ARL15: variants seen among roughly 807,000 people sequenced by gnomAD.
ARL15 encodes ARF like GTPase 15.
Under a neutral mutation model 25.2 loss-of-function variants are expected in ARL15, and 19 were observed. The ratio of observed to expected loss-of-function variants is 0.75; its 90% CI spans 0.53 to 1.10. ARL15 has a LOEUF of 1.10. Among genes scored for constraint, ARL15 ranks in the 50% least tolerant of loss-of-function variants. The probability of loss-of-function intolerance (pLI) is 0.00; values close to 1 mark genes in which losing one functional copy is unlikely to be tolerated. For missense variants in ARL15, 220 were observed against 246.0 expected, an observed-to-expected ratio of 0.89 and a Z score of 0.71; for synonymous variants, 94 against 86.8, an observed-to-expected ratio of 1.08 and a Z score of -0.46.
chr5:53,921,979 C>T (rs1164636425), intron 4 of ARL15, among the ~76,000 whole-genome samples: 2 of 152,182 alleles, frequency 1.3e-5, no homozygotes, highest in Admixed American at 6.5e-5. Context: ...GAGCTATGCA[C>T]TGAAAGTTAA....
chr5:53,955,566 C>G (rs1241221726), intron 4 of ARL15, among the ~76,000 whole-genome samples: 1 of 152,106 alleles, frequency 6.6e-6, no homozygotes, highest in Non-Finnish European at 1.5e-5. Flanking sequence ...AGGAAACATT[C>G]AAAATTCAAG....
chr5:54,069,954 C>T (rs1023934829), intron 4 of ARL15, among the ~76,000 whole-genome samples: 2 of 143,302 alleles, frequency 1.4e-5, no homozygotes, highest in African/African-American at 5.5e-5. Flanking sequence ...GGATTACAGG[C>T]GTGAGCCACC....
intron 4 of ARL15, among the ~76,000 whole-genome samples, chr5:54,072,749 A>C (rs932090947): frequency 6.6e-6 from 1 of 152,180 alleles, no homozygotes; most frequent in Non-Finnish European, 1.5e-5. Context: ...CTTTCCACAT[A>C]TTTATTTCAT....
chr5:54,102,903 C>G (rs139646397), intron 4 of ARL15, among the ~76,000 whole-genome samples: 1,681 of 152,200 alleles, frequency 0.011, 15 homozygotes, highest in Middle Eastern at 0.02. Context: ...TATGTAGAAC[C>G]TTCTTCCCAT....
intron 4 of ARL15, among the ~76,000 whole-genome samples, chr5:54,100,878 T>A (rs1752414707): frequency 6.6e-6 from 1 of 152,092 alleles, no homozygotes; most frequent in Admixed American, 6.6e-5. Context: ...GGCACTTGAC[T>A]AGAAAAGTGA....
chr5:54,180,887 C>T (rs17413044), intron 1 of ARL15, among the ~76,000 whole-genome samples: 8 of 152,202 alleles, frequency 5.3e-5, no homozygotes, highest in Non-Finnish European at 8.8e-5. Context: ...ATTGGCCTCA[C>T]GGCTTTGCAG....
At chr5:54,266,214 A>T (rs1388759985) in intron 1 of ARL15, among the ~76,000 whole-genome samples, 1 of 152,252 alleles carries the variant, frequency 6.6e-6, no homozygotes, top group East Asian at 1.9e-4. Context: ...ACCTCAACTG[A>T]CTAGAACAGA....
At chr5:53,926,817 A>G (rs918847277) in intron 4 of ARL15, among the ~76,000 whole-genome samples, 1 of 152,134 alleles carries the variant, frequency 6.6e-6, no homozygotes, top group Non-Finnish European at 1.5e-5. Flanking sequence ...TAGGTTTCCA[A>G]AGGAAGTTGT....
chr5:54,039,845 A>T (rs2111938379), intron 4 of ARL15, among the ~76,000 whole-genome samples: 1 of 151,606 alleles, frequency 6.6e-6, no homozygotes, highest in Middle Eastern at 3.4e-3. Context: ...ATAAATTAAT[A>T]AATGCAGCTA....
At chr5:54,185,816 T>C (rs1236721302) in intron 1 of ARL15, among the ~76,000 whole-genome samples, 2 of 152,226 alleles carry the variant, frequency 1.3e-5, no homozygotes, top group East Asian at 1.9e-4. Flanking sequence ...CAAAGAAAAC[T>C]TATTTTTATG....
chr5:53,965,934 TA>T (rs1747545946), intron 4 of ARL15, among the ~76,000 whole-genome samples: 1 of 152,206 alleles, frequency 6.6e-6, no homozygotes, highest in Non-Finnish European at 1.5e-5. Flanking sequence ...TGCAGTGTAT[TA>T]AAAGGTATTA....
At chr5:54,096,547 A>T (rs959673382) in intron 4 of ARL15, among the ~76,000 whole-genome samples, 19 of 152,144 alleles carry the variant, frequency 1.2e-4, no homozygotes, top group Non-Finnish European at 2.2e-4. Flanking sequence ...AGTAGCTGGA[A>T]TTACAGGCAC....
chr5:53,922,910 AC>A (rs1443354098), intron 4 of ARL15, among the ~76,000 whole-genome samples: 1 of 152,160 alleles, frequency 6.6e-6, no homozygotes, highest in Non-Finnish European at 1.5e-5. Context: ...GTAGAGCAGC[AC>A]TCCATAAATG....
intron 1 of ARL15, among the ~76,000 whole-genome samples, chr5:54,300,998 T>G (rs1321886071): frequency 6.6e-6 from 1 of 152,206 alleles, no homozygotes; most frequent in African/African-American, 2.4e-5. Flanking sequence ...TCCGCACAGC[T>G]ATTCCTTTTG....
rs186197446 is a variant in ARL15 at position 53,944,429 on chromosome 5, G to A, written c.463-57716C>T. Among the ~76,000 whole-genome samples, 93 of 152,088 alleles carry A rather than the reference G, an allele frequency of 6.1e-4. 2 individuals carry two copies. The highest frequency in any genetic ancestry group is 5.4e-3 in the Admixed American group (83 of 15,264). On this transcript the variant is annotated intron_variant, in intron 4 of 4. Coordinates refer to ENST00000504924, the MANE Select transcript of ARL15 (RefSeq NM_019087.3). ...AGTTTGAGACCATCCTGGGCAACACGGTGAAACTTCATCTCTACAAAAAAT... is the reference window on the plus strand; with the variant it reads ...AGTTTGAGACCATCCTGGGCAACACAGTGAAACTTCATCTCTACAAAAAAT...
chr5:54,011,353 C>G (rs1239494664), intron 4 of ARL15, among the ~76,000 whole-genome samples: 1 of 152,106 alleles, frequency 6.6e-6, no homozygotes, highest in African/African-American at 2.4e-5. Context: ...TCTATATGAC[C>G]CGTTTCAGTA....
At chr5:54,194,060 C>T (rs1755483558) in intron 1 of ARL15, among the ~76,000 whole-genome samples, 1 of 152,092 alleles carries the variant, frequency 6.6e-6, no homozygotes, top group Non-Finnish European at 1.5e-5. Flanking sequence ...ACACTAAAAT[C>T]CTAATCGCCA....
At chr5:54,266,218 G>A (rs1579964840) in intron 1 of ARL15, among the ~76,000 whole-genome samples, 1 of 152,320 alleles carries the variant, frequency 6.6e-6, no homozygotes, top group South Asian at 2.1e-4. Context: ...CAACTGACTA[G>A]AACAGAGTTA....
intron 2 of ARL15, among the ~76,000 whole-genome samples, chr5:54,171,276 C>A (rs954500667): frequency 2.6e-5 from 4 of 152,154 alleles, no homozygotes. Context: ...TGATTGAGAA[C>A]CACTGCCCTA....
Sources: allele counts gnomAD v4.1 joint callset (sites outside exome capture counted in the v4.1 genomes callset), GRCh38; gene constraint gnomAD v4.1.1; transcripts MANE v1.5; gene names NCBI Gene and HGNC (gene_info 2026-07-23, HGNC 2026-07-21).